The following COBLL1 variants were observed in gnomAD, a reference collection of about 807,000 sequenced individuals.
COBLL1 encodes the protein cordon-bleu WH2 repeat protein like 1.
Under a neutral mutation model 94.8 loss-of-function variants are expected in COBLL1, and 50 were observed. The observed-to-expected ratio is 0.53, with a 90% confidence interval of 0.42 to 0.67. The LOEUF (loss-of-function observed/expected upper bound fraction) is 0.67, where lower values mean the gene tolerates loss of function less well. COBLL1 is among the 30% of genes least tolerant of loss of function. The pLI, the probability that COBLL1 is intolerant of heterozygous loss-of-function variation, is 0.00. For missense variants in COBLL1, 1,362 were observed against 1,348.7 expected, an observed-to-expected ratio of 1.01 and a Z score of -0.15; for synonymous variants, 448 against 473.8, an observed-to-expected ratio of 0.95 and a Z score of 0.71.
At chr2:164,697,026 T>C (rs1466266705) in intron 11 of COBLL1, 3 of 152,008 alleles carry the variant, frequency 2.0e-5, no homozygotes, top group Non-Finnish European at 2.9e-5. Context: ...CTGCCTAAAA[T>C]GTAATAAGCT....
Position 164,779,978 on chromosome 2 carries a change from A to T in COBLL1, c.42-36103T>A, listed in dbSNP as rs1452665429. On this transcript the variant is annotated intron_variant, in intron 2 of 13. Coordinates refer to ENST00000652658, the MANE Select transcript of COBLL1 (RefSeq NM_001365672.2). ...TGCCTCATGAATTTTAAAATATTTT[A>T]AAAATATGATATGATACTTTTATTT... is the stretch of plus-strand genomic sequence containing the variant. 3.3e-5 allele frequency among the ~76,000 whole-genome samples: 5 copies of T among 152,274 alleles called. 1 individual carries two copies. The South Asian group carries it at 6.2e-4, about 19-fold the overall frequency.
intron 2 of COBLL1, among the ~76,000 whole-genome samples, chr2:164,824,757 T>A (rs1215192235): frequency 6.6e-6 from 1 of 152,246 alleles, no homozygotes; most frequent in African/African-American, 2.4e-5. Flanking sequence ...TATTTTTCTT[T>A]ACATGTTCCT....
intron 2 of COBLL1, among the ~76,000 whole-genome samples, chr2:164,762,727 T>C (rs970999830): frequency 3.4e-5 from 5 of 148,740 alleles, no homozygotes; most frequent in Non-Finnish European, 7.5e-5. Flanking sequence ...GACGCAGTCT[T>C]GCTCTGTCAC....
Position 164,673,404 on chromosome 2 carries a change from G to A in COBLL1, n.127-7503C>T, listed in dbSNP as rs571205151. On this transcript the variant is annotated intron_variant and non_coding_transcript_variant, in intron 1 of 2. Coordinates refer to the COBLL1 transcript ENST00000495084. Reference sequence around the variant, plus strand: ...GGGCGCGGTGGCTAGGCCAGGCGCAGTGGCTCACGCATGTAATCCCAGCAC... The same window carrying A: ...GGGCGCGGTGGCTAGGCCAGGCGCAATGGCTCACGCATGTAATCCCAGCAC... 1.1e-3 allele frequency among the ~76,000 whole-genome samples: 163 copies of A among 152,286 alleles called. 3 individuals carry two copies. Among genetic ancestry groups the A allele is most frequent in the South Asian group, 5.2e-3 (25 of 4,824 alleles).
chr2:164,823,159 T>C (rs185885453), intron 2 of COBLL1, among the ~76,000 whole-genome samples: 3 of 152,328 alleles, frequency 2.0e-5, no homozygotes, highest in Admixed American at 2.0e-4. Flanking sequence ...AAGATGTGTA[T>C]TTTTAATAAG....
At chr2:164,819,538 T>A (rs568207113) in intron 2 of COBLL1, among the ~76,000 whole-genome samples, 3 of 152,254 alleles carry the variant, frequency 2.0e-5, no homozygotes, top group South Asian at 4.1e-4. Context: ...AAATTTTTTT[T>A]AATCAAACTG....
chr2:164,752,611 T>C (rs1425188318), intron 2 of COBLL1, among the ~76,000 whole-genome samples: 2 of 152,090 alleles, frequency 1.3e-5, no homozygotes, highest in East Asian at 1.9e-4. Context: ...ACAGAGAGCA[T>C]GGGACAACTA....
chr2:164,707,180 C>T (rs1402543418), intron 7 of COBLL1, among the ~76,000 whole-genome samples: 6 of 151,990 alleles, frequency 3.9e-5, no homozygotes, highest in Admixed American at 3.3e-4. Flanking sequence ...GTCTCACTCT[C>T]CACCTAGGTT....
At position 164,663,224 on chromosome 2, in the gene COBLL1, T is replaced by C. The variant is rs566660931; in HGVS notation, n.181+2623A>G. 1.1e-4 allele frequency among the ~76,000 whole-genome samples: 17 copies of C among 152,326 alleles called. 2 individuals carry two copies. The South Asian group carries it at 3.5e-3, about 32-fold the overall frequency. On this transcript the variant is annotated intron_variant and non_coding_transcript_variant, in intron 2 of 2. Coordinates refer to the COBLL1 transcript ENST00000495084. ...ATGCACATACATTTGAAAATGTAAA[T>C]AAAGGTAGCTATAGCTATAATCCAA...
At chr2:164,722,649 G>C (rs6432802) in intron 5 of COBLL1, 127 bp from the exon 6 acceptor site, 290,048 of 493,272 alleles carry the variant, frequency 0.59, 88,227 homozygotes, top group African/African-American at 0.84. Flanking sequence ...AGTCTACAAA[G>C]AAGCACCTTA....
rs564153774 is a variant in COBLL1 at position 164,840,457 on chromosome 2, TA to T, written c.41+698del. 2.5e-3 allele frequency among the ~76,000 whole-genome samples: 376 copies of T among 152,164 alleles called. 4 individuals carry two copies. The highest frequency in any genetic ancestry group is 6.6e-3 in the South Asian group (32 of 4,822). Reference sequence around the variant, plus strand: ...CTGTTTACTCAAACGCTTAACAAGGTAACTATTAGCATATCTGGCAGGAAGA... The same window carrying T: ...CTGTTTACTCAAACGCTTAACAAGGTACTATTAGCATATCTGGCAGGAAGA... On this transcript the variant is annotated intron_variant, in intron 2 of 13. Coordinates refer to ENST00000652658, the MANE Select transcript of COBLL1 (RefSeq NM_001365672.2).
rs1688913094 is a variant in COBLL1, at chr2:164,785,492, A to AT, written c.42-41618dup. 5.3e-5 allele frequency among the ~76,000 whole-genome samples: 8 copies of AT among 152,332 alleles called. 1 individual carries two copies. The South Asian group carries it at 1.7e-3, about 32-fold the overall frequency. On this transcript the variant is annotated intron_variant, in intron 2 of 13. Coordinates refer to ENST00000652658, the MANE Select transcript of COBLL1 (RefSeq NM_001365672.2). ...CATAAATGAATAGAAGTAGTCAAAG[A>AT]TTTAAAGAGTTCTGTTTGGTTTTGG...
At chr2:164,727,386 T>C (rs1381733161) in intron 5 of COBLL1, among the ~76,000 whole-genome samples, 1 of 152,216 alleles carries the variant, frequency 6.6e-6, no homozygotes, top group Admixed American at 6.5e-5. Flanking sequence ...CTAGACATCA[T>C]ACAAACCAGC....
intron 1 of COBLL1, among the ~76,000 whole-genome samples, chr2:164,669,336 T>G (rs1691212203): frequency 6.6e-6 from 1 of 152,196 alleles, no homozygotes; most frequent in Non-Finnish European, 1.5e-5. Context: ...TTCTCAGCCT[T>G]TTGGATGAGA....
chr2:164,746,804 C>T (rs114703884), intron 2 of COBLL1, among the ~76,000 whole-genome samples: 375 of 152,172 alleles, frequency 2.5e-3, no homozygotes, highest in Admixed American at 8.3e-3. Flanking sequence ...GCATTCCAAT[C>T]TCAGGACTCT....
chr2:164,833,813 T>G (rs1202539566), intron 2 of COBLL1, among the ~76,000 whole-genome samples: 1 of 152,138 alleles, frequency 6.6e-6, no homozygotes, highest in Non-Finnish European at 1.5e-5. Context: ...ATTTCTTACA[T>G]CTAAAGTAAA....
chr2:164,701,727 A>C (rs1288038507), intron 9 of COBLL1, among the ~76,000 whole-genome samples: 1 of 152,188 alleles, frequency 6.6e-6, no homozygotes, highest in Non-Finnish European at 1.5e-5. Context: ...AAAGAGAAGG[A>C]GGCATCCTGA....
chr2:164,807,670 A>G (rs1684245180), intron 2 of COBLL1, among the ~76,000 whole-genome samples: 1 of 152,010 alleles, frequency 6.6e-6, no homozygotes, highest in Admixed American at 6.6e-5. Flanking sequence ...CATTGTTTTT[A>G]CTGTTTATAC....
At chr2:164,763,327 T>G (rs1687784780) in intron 2 of COBLL1, among the ~76,000 whole-genome samples, 1 of 152,178 alleles carries the variant, frequency 6.6e-6, no homozygotes, top group Admixed American at 6.5e-5. Flanking sequence ...AAAAAATTTG[T>G]CAACACACAC....
Sources: allele counts gnomAD v4.1 joint callset (sites outside exome capture counted in the v4.1 genomes callset), GRCh38; gene constraint gnomAD v4.1.1; transcripts MANE v1.5; gene names NCBI Gene and HGNC (gene_info 2026-07-23, HGNC 2026-07-21).